Variants in SGCD observed in about 807,000 individuals in gnomAD.
SGCD encodes sarcoglycan delta, also known as delta-sarcoglycan.
SGCD carries 18 observed loss-of-function variants against 36.6 expected under a neutral mutation model. That is an observed-to-expected ratio of 0.49 (90% CI 0.34 to 0.73). SGCD has a LOEUF of 0.73. Among genes scored for constraint, SGCD ranks in the 30% least tolerant of loss-of-function variants. The pLI is 0.01. For synonymous variants in SGCD, 133 were observed against 130.6 expected (o/e 1.02, Z -0.12); for missense variants, 387 against 346.7 (o/e 1.12, Z -0.92).
Position 156,589,251 on chromosome 5 carries a change from G to A in SGCD, c.315G>A (p.Lys105=). 6.4e-7 allele frequency: 1 copy of A among 1,570,750 alleles called. No individual in the cohort carries two copies. Among genetic ancestry groups the A allele is most frequent in the Non-Finnish European group, 8.7e-7 (1 of 1,155,732 alleles). Residue 105 remains lysine, a synonymous_variant, in exon 5 of 9, where the codon AAG becomes AAA. Transcript: ENST00000337851. The stretch of plus-strand genomic sequence containing the variant: ...TGCAGGGTAATGCCCTGTACTTCAA[G>A]TCTGCCAGAAATGTTACAGTGAACA... ...QSRPGNALYF[K]SARNVTVNIL... is the part of the protein sequence containing the mutation.
At chr5:156,595,393 CTG>C (rs966061010) in intron 6 of SGCD, among the ~76,000 whole-genome samples, 1 of 152,192 alleles carries the variant, frequency 6.6e-6, no homozygotes, top group African/African-American at 2.4e-5. Flanking sequence ...GCCTCCAGAA[CTG>C]TGAGAAATCA....
Position 156,525,359 on chromosome 5 carries a change from G to C in SGCD, c.294+16657G>C, listed in dbSNP as rs147780050. On this transcript the variant is annotated intron_variant, in intron 4 of 8. Transcript: ENST00000337851. The stretch of plus-strand genomic sequence containing the variant: ...CACCTTTTCATATACCTGTTGGTCA[G>C]TTGTATGTCTTCTTTGGAAAAAGGT... 8.7e-3 allele frequency among the ~76,000 whole-genome samples: 1,318 copies of C among 152,142 alleles called. 9 individuals carry two copies. The highest frequency in any genetic ancestry group is 0.03 in the African/African-American group (1,246 of 41,526).
intron 3 of SGCD, among the ~76,000 whole-genome samples, chr5:156,499,383 A>G (rs1319075709): frequency 2.0e-5 from 3 of 152,362 alleles, no homozygotes; most frequent in East Asian, 1.9e-4. Flanking sequence ...TGAGCCCCCA[A>G]GATGAAATAA....
chr5:156,273,021 G>T (rs1445793769), intron 3 of SGCD, among the ~76,000 whole-genome samples: 1 of 152,160 alleles, frequency 6.6e-6, no homozygotes, highest in Non-Finnish European at 1.5e-5. Context: ...ATGAAAAATT[G>T]CCTGAGGGAA....
chr5:156,084,926 T>C (rs1490720063), intron 1 of SGCD, among the ~76,000 whole-genome samples: 1 of 152,228 alleles, frequency 6.6e-6, no homozygotes, highest in Non-Finnish European at 1.5e-5. Flanking sequence ...AAGTGCTTTT[T>C]ATATGTCAAT....
intron 3 of SGCD, chr5:156,458,422 C>T (rs1456201724): frequency 6.2e-7 from 1 of 1,606,732 alleles, no homozygotes; most frequent in African/African-American, 1.3e-5. Context: ...ATGTAGTAGA[C>T]ACCAATCTGA....
At chr5:156,517,493 C>T (rs774030858) in intron 4 of SGCD, among the ~76,000 whole-genome samples, 1 of 151,952 alleles carries the variant, frequency 6.6e-6, no homozygotes, top group Non-Finnish European at 1.5e-5. Flanking sequence ...TCCAGAGAAC[C>T]CCAGTAAGAT....
intron 1 of SGCD, among the ~76,000 whole-genome samples, chr5:155,948,649 C>T (rs1757489116): frequency 6.6e-6 from 1 of 152,122 alleles, no homozygotes; most frequent in African/African-American, 2.4e-5. Context: ...TTTATGAAGC[C>T]TGGGATTTGC....
At chr5:155,930,160 T>G (rs1233081203) in intron 1 of SGCD, among the ~76,000 whole-genome samples, 1 of 152,234 alleles carries the variant, frequency 6.6e-6, no homozygotes, top group Non-Finnish European at 1.5e-5. Context: ...TATAAGAAAT[T>G]CTTTCATTTC....
At chr5:155,836,477 C>T in the SGCD span, among the ~76,000 whole-genome samples, 1 of 35,302 alleles carries the variant, frequency 2.8e-5, no homozygotes, top group Non-Finnish European at 5.2e-5. Context: ...CCCACCCCCG[C>T]CCCGCACTCA....
intron 1 of SGCD, among the ~76,000 whole-genome samples, chr5:155,976,515 G>T (rs549020378): frequency 5.4e-4 from 83 of 152,294 alleles, no homozygotes; most frequent in African/African-American, 1.9e-3. Flanking sequence ...TGGCATGCCA[G>T]GCACCGTGCT....
intron 4 of SGCD, among the ~76,000 whole-genome samples, chr5:156,511,822 G>A (rs1756941546): frequency 1.3e-5 from 2 of 152,194 alleles, no homozygotes; most frequent in South Asian, 4.1e-4. Context: ...ATCAGTAGAT[G>A]TTTGAGAAAC....
intron 3 of SGCD, among the ~76,000 whole-genome samples, chr5:156,208,659 C>G (rs892314791): frequency 6.6e-6 from 1 of 152,190 alleles, no homozygotes. Context: ...AACTATTTCT[C>G]TACTGAATAT....
intron 3 of SGCD, among the ~76,000 whole-genome samples, chr5:156,302,930 A>C (rs74801201): frequency 3.4e-3 from 525 of 152,302 alleles, no homozygotes; most frequent in African/African-American, 0.012. Context: ...AAGTCAGCAT[A>C]GTACTAGGTC....
the SGCD span, among the ~76,000 whole-genome samples, chr5:155,752,387 G>A: frequency 8.5e-5 from 13 of 152,172 alleles, 1 homozygote; most frequent in South Asian, 2.1e-4. Context: ...CATTCAAGCC[G>A]TCTGCTTTTC....
chr5:155,961,508 C>T (rs1012565038), intron 1 of SGCD, among the ~76,000 whole-genome samples: 1 of 152,044 alleles, frequency 6.6e-6, no homozygotes, highest in African/African-American at 2.4e-5. Flanking sequence ...AATTGGTCGG[C>T]AGTTTAACAT....
chr5:156,195,210 A>G (rs1763992851), intron 3 of SGCD, among the ~76,000 whole-genome samples: 1 of 152,176 alleles, frequency 6.6e-6, no homozygotes, highest in Admixed American at 6.5e-5. Flanking sequence ...AGCCTATTTC[A>G]CAAAACCATT....
At chr5:156,464,955 G>T (rs1419076865) in intron 3 of SGCD, among the ~76,000 whole-genome samples, 1 of 152,088 alleles carries the variant, frequency 6.6e-6, no homozygotes, top group African/African-American at 2.4e-5. Context: ...GAACCAAAAT[G>T]CTACTTAGGA....
chr5:155,963,896 A>G (rs1015052768), intron 1 of SGCD, among the ~76,000 whole-genome samples: 1 of 152,114 alleles, frequency 6.6e-6, no homozygotes, highest in Non-Finnish European at 1.5e-5. Context: ...AGCATCAAAA[A>G]GTTGATGCTT....
Sources: allele counts gnomAD v4.1 joint callset (sites outside exome capture counted in the v4.1 genomes callset), GRCh38; gene constraint gnomAD v4.1.1; transcripts MANE v1.5; gene names NCBI Gene and HGNC (gene_info 2026-07-23, HGNC 2026-07-21).